Variants in IGSF11 observed in about 807,000 individuals in gnomAD.
IGSF11 encodes CXADR like 1.
In IGSF11, 22 loss-of-function variants were observed where a neutral mutation model predicts 41.0. The ratio of observed to expected loss-of-function variants is 0.54; its 90% CI spans 0.38 to 0.77. The LOEUF (loss-of-function observed/expected upper bound fraction) is 0.77, where lower values mean the gene tolerates loss of function less well. IGSF11 is among the 30% of genes least tolerant of loss of function. The probability of loss-of-function intolerance (pLI) is 0.00; values close to 1 mark genes in which losing one functional copy is unlikely to be tolerated. For missense variants in IGSF11, 444 were observed against 530.8 expected (o/e 0.84, Z 1.61); for synonymous variants, 219 against 201.3 (o/e 1.09, Z -0.74).
chr3:118,948,687 C>T (rs1944341743), intron 1 of IGSF11, among the ~76,000 whole-genome samples: 1 of 152,068 alleles, frequency 6.6e-6, no homozygotes. Flanking sequence ...AACATTAGGC[C>T]GGGCGTGATG....
chr3:119,048,267 A>G (rs1248625208), intron 1 of IGSF11, among the ~76,000 whole-genome samples: 2 of 152,046 alleles, frequency 1.3e-5, no homozygotes, highest in Non-Finnish European at 2.9e-5. Flanking sequence ...AAATAAAGAA[A>G]AAAAGAGAGA....
At chr3:118,964,098 G>A (rs1168468941) in intron 1 of IGSF11, among the ~76,000 whole-genome samples, 1 of 151,972 alleles carries the variant, frequency 6.6e-6, no homozygotes, top group Non-Finnish European at 1.5e-5. Flanking sequence ...AAAGTCTAAA[G>A]GATCTGCTCA....
chr3:119,115,481 T>C (rs952452402), intron 1 of IGSF11, among the ~76,000 whole-genome samples: 2 of 152,234 alleles, frequency 1.3e-5, no homozygotes, highest in African/African-American at 2.4e-5. Flanking sequence ...AAGTTTTGAT[T>C]TGCATTTCTC....
At chr3:119,119,321 A>G (rs111440798) in intron 1 of IGSF11, among the ~76,000 whole-genome samples, 1 of 152,346 alleles carries the variant, frequency 6.6e-6, no homozygotes, top group African/African-American at 2.4e-5. Flanking sequence ...GGAGCAAGTC[A>G]CATCTTACAT....
intron 1 of IGSF11, among the ~76,000 whole-genome samples, chr3:118,991,066 C>T (rs577700867): frequency 6.6e-6 from 1 of 152,328 alleles, no homozygotes; most frequent in South Asian, 2.1e-4. Flanking sequence ...AGAATTGCAT[C>T]TCCTAAAAAT....
At chr3:119,047,923 G>A (rs1427321786) in intron 1 of IGSF11, among the ~76,000 whole-genome samples, 4 of 152,110 alleles carry the variant, frequency 2.6e-5, no homozygotes, top group African/African-American at 9.7e-5. Flanking sequence ...AATGAAGGCA[G>A]AAATAAAGAT....
chr3:118,916,903 C>CA (rs1941177562), intron 4 of IGSF11, among the ~76,000 whole-genome samples: 1 of 151,970 alleles, frequency 6.6e-6, no homozygotes, highest in Admixed American at 6.6e-5. Context: ...TTATAACAAA[C>CA]TGTCTCTCAG....
intron 1 of IGSF11, among the ~76,000 whole-genome samples, chr3:118,977,359 C>T (rs1934231349): frequency 6.6e-6 from 1 of 152,142 alleles, no homozygotes; most frequent in South Asian, 2.1e-4. Flanking sequence ...CTCAGTGCCC[C>T]ACACTATATC....
At chr3:119,068,749 A>C (rs1317886472) in intron 1 of IGSF11, among the ~76,000 whole-genome samples, 1 of 152,172 alleles carries the variant, frequency 6.6e-6, no homozygotes, top group Non-Finnish European at 1.5e-5. Flanking sequence ...TTTAGAAATA[A>C]GTTTTAAGCA....
intron 1 of IGSF11, among the ~76,000 whole-genome samples, chr3:119,085,938 G>T (rs186034443): frequency 4.6e-5 from 7 of 152,340 alleles, no homozygotes; most frequent in Admixed American, 4.6e-4. Flanking sequence ...CATAGTGTGG[G>T]AGTTGGCCTG....
Position 119,099,627 on chromosome 3 carries a change from TG to T in IGSF11, c.49+5516del, listed in dbSNP as rs1172777897. On this transcript the variant is annotated intron_variant, in intron 1 of 6. Transcript: ENST00000354673. ...ATTACAGCTTGAATTTTGGAAAAGA[TG>T]ACTAGTCAGGTATAGCTGCAGTGGC... is the stretch of plus-strand genomic sequence containing the variant. 2.0e-5 allele frequency among the ~76,000 whole-genome samples: 3 copies of T among 152,304 alleles called. No homozygotes were observed. In the East Asian group the frequency reaches 5.8e-4, roughly 29 times the overall value.
intron 2 of IGSF11, 143 bp downstream of exon 2, chr3:118,929,969 G>T: frequency 1.5e-6 from 1 of 645,224 alleles, no homozygotes; most frequent in Non-Finnish European, 2.5e-6. Flanking sequence ...TGATAGGGCA[G>T]AGGAGTAGGC....
chr3:119,088,001 A>G (rs2076704588), intron 1 of IGSF11, among the ~76,000 whole-genome samples: 1 of 152,154 alleles, frequency 6.6e-6, no homozygotes, highest in Non-Finnish European at 1.5e-5. Context: ...CCCCACTGAC[A>G]ATGTTAGATG....
intron 1 of IGSF11, among the ~76,000 whole-genome samples, chr3:118,993,810 C>T (rs925418395): frequency 6.6e-6 from 1 of 152,102 alleles, no homozygotes; most frequent in East Asian, 1.9e-4. Flanking sequence ...AAAGGCAAGT[C>T]TATATAGATA....
At chr3:118,923,256 C>T (rs542692336) in intron 4 of IGSF11, among the ~76,000 whole-genome samples, 80 of 152,228 alleles carry the variant, frequency 5.3e-4, no homozygotes, top group Non-Finnish European at 8.5e-4. Context: ...TCACCAGACT[C>T]GGGCAAGTAA....
intron 1 of IGSF11, among the ~76,000 whole-genome samples, chr3:119,051,748 A>T (rs561250630): frequency 6.6e-6 from 1 of 152,332 alleles, no homozygotes; most frequent in African/African-American, 2.4e-5. Flanking sequence ...GTCTCAATAA[A>T]TTTAAGAAAA....
At chr3:118,909,886 T>C (rs1940060780) in intron 4 of IGSF11, among the ~76,000 whole-genome samples, 1 of 152,240 alleles carries the variant, frequency 6.6e-6, no homozygotes, top group Admixed American at 6.5e-5. Context: ...CTGAAGCTTA[T>C]AGCAAATATT....
chr3:118,931,220 G>C (rs571722757), intron 1 of IGSF11, among the ~76,000 whole-genome samples: 178 of 152,232 alleles, frequency 1.2e-3, no homozygotes, highest in African/African-American at 4.1e-3. Flanking sequence ...AATGATCACA[G>C]ACCTAAATAA....
chr3:119,060,880 TAC>T (rs1942031546), intron 1 of IGSF11, among the ~76,000 whole-genome samples: 1 of 152,212 alleles, frequency 6.6e-6, no homozygotes, highest in Non-Finnish European at 1.5e-5. Context: ...CCTTAAGAGA[TAC>T]AGACATATAA....
Sources: allele counts gnomAD v4.1 joint callset (sites outside exome capture counted in the v4.1 genomes callset), GRCh38; gene constraint gnomAD v4.1.1; transcripts MANE v1.5; gene names NCBI Gene and HGNC (gene_info 2026-07-23, HGNC 2026-07-21).